The following SHLD3 variants were observed in gnomAD, a reference collection of about 807,000 sequenced individuals.
SHLD3 encodes the protein shieldin complex subunit 3, also known as REV7-interacting novel NHEJ regulator 1.
SHLD3 carries 15 observed loss-of-function variants against 21.4 expected under a neutral mutation model. That is an observed-to-expected ratio of 0.70 (90% CI 0.47 to 1.08). SHLD3 has a LOEUF of 1.08. Ranked by LOEUF, SHLD3 falls within the 50% of genes least tolerant of loss-of-function variation. The pLI is 0.00. For missense variants in SHLD3, 273 were observed against 286.1 expected, an observed-to-expected ratio of 0.95 and a Z score of 0.33; for synonymous variants, 103 against 97.2, an observed-to-expected ratio of 1.06 and a Z score of -0.35.
intron 1 of SHLD3, chr5:65,625,959 A>G (rs1039203267): frequency 1.3e-5 from 2 of 152,208 alleles, no homozygotes; most frequent in African/African-American, 2.4e-5. Flanking sequence ...TATCCTTCCC[A>G]TTATGATGTA....
chr5:65,629,510 T>A lies in SHLD3; in HGVS notation c.-78T>A. 7 of 1,440,208 alleles carry A rather than the reference T, an allele frequency of 4.9e-6. No homozygotes were observed. Among genetic ancestry groups the A allele is most frequent in the Non-Finnish European group, 6.3e-6 (7 of 1,102,422 alleles). 89.2% of individuals were successfully genotyped at this position (1,440,208 alleles called of 1,614,324 possible). A position where few individuals can be genotyped will look rare whatever the true frequency, so the allele number is the denominator to read the frequency against. On this transcript the variant is annotated 5_prime_UTR_variant, in exon 2 of 2. Transcript: ENST00000510585. ...TTTGGCAAGAGAGACAATCTTGCAA[T>A]AATAAATTAACATTCTAGCTCTGAG...
Position 65,629,888 on chromosome 5 carries a change from C to T in SHLD3, c.301C>T (p.His101Tyr). Residue 101 changes from histidine (H) to tyrosine (Y), a missense_variant, in exon 2 of 2, where the codon CAT becomes TAT. His to Tyr is a moderately conservative substitution (Grantham distance 83). Coordinates refer to ENST00000510585, the MANE Select transcript of SHLD3 (RefSeq NM_001365341.2). ...LEFQPSLKKQHLTWSHTLKEQ... is the reference protein window; with the variant it reads ...LEFQPSLKKQYLTWSHTLKEQ... ...GTTTCAACCTAGCTTGAAAAAGCAG[C>T]ATTTAACCTGGTCACACACACTGAA... The T allele has an allele frequency of 6.5e-7, 1 of 1,536,080 alleles. No individual in the cohort carries two copies.
Position 65,629,685 on chromosome 5 carries a change from G to C in SHLD3, c.98G>C (p.Arg33Pro). Residue 33 changes from arginine (R) to proline (P), a missense_variant, in exon 2 of 2, where the codon CGT becomes CCT. Physicochemically the swap from Arg to Pro is moderately radical, Grantham distance 103. Coordinates refer to ENST00000510585, the MANE Select transcript of SHLD3 (RefSeq NM_001365341.2). ...AEKAIQDFPTRPLSRFIPWFP... is the reference protein window; with the variant it reads ...AEKAIQDFPTPPLSRFIPWFP... ...AAAGCAATTCAAGACTTTCCTACTC[G>C]TCCGCTATCAAGATTTATACCTTGG... 1.3e-6 allele frequency: 2 copies of C among 1,535,918 alleles called. No homozygotes were observed. The highest frequency in any genetic ancestry group is 1.7e-6 in the Non-Finnish European group (2 of 1,146,878).
rs60169195 is a variant in SHLD3 at position 65,627,131 on chromosome 5, C to CAAAAAAAAAAAAAAA, written c.-121+2037_-121+2051dup. On this transcript the variant is annotated intron_variant, in intron 1 of 1. Transcript: ENST00000510585. ...TGGGTGACAGAGTGAGACCCTGTCTCAAAAAAAAAAAAAAAAAAAAAAAAA... is the reference window on the plus strand; with the variant it reads ...TGGGTGACAGAGTGAGACCCTGTCTCAAAAAAAAAAAAAAAAAAAAAAAAAAAAAAAAAAAAAAAA... Among the ~76,000 whole-genome samples the CAAAAAAAAAAAAAAA allele has an allele frequency of 3.4e-3, 111 of 32,560 alleles. 9 individuals carry two copies. Among genetic ancestry groups the CAAAAAAAAAAAAAAA allele is most frequent in the Non-Finnish European group, 4.6e-3 (72 of 15,520 alleles). The allele number at this position is 32,560 out of a possible 152,430, so 21.4% of individuals were successfully genotyped here. A position where few individuals can be genotyped will look rare whatever the true frequency, so the allele number is the denominator to read the frequency against.
chr5:65,627,316 AATTT>A (rs1755290135), intron 1 of SHLD3, among the ~76,000 whole-genome samples: 1 of 151,862 alleles, frequency 6.6e-6, no homozygotes, highest in South Asian at 2.1e-4. Flanking sequence ...CAAATGTATT[AATTT>A]AAGTGGTCAT....
At chr5:65,626,708 C>G (rs767811384) in intron 1 of SHLD3, among the ~76,000 whole-genome samples, 6 of 152,040 alleles carry the variant, frequency 3.9e-5, no homozygotes, top group African/African-American at 9.7e-5. Flanking sequence ...TGCACGCCAT[C>G]CTAGGCAACA....
At position 65,630,763 on chromosome 5, in the gene SHLD3, T is replaced by G; in HGVS notation, c.*423T>G. 1 of 746,118 alleles carries G rather than the reference T, an allele frequency of 1.3e-6. No homozygotes were observed. The highest frequency in any genetic ancestry group is 1.6e-6 in the Non-Finnish European group (1 of 610,344). The allele number at this position is 746,118 out of a possible 1,614,324, so 46.2% of individuals were successfully genotyped here. ...TTCAAAGTGGGAGACTAGTCTAGAT[T>G]TATAATGATGTTTCCAAAGATATGT... is the stretch of plus-strand genomic sequence containing the variant. On this transcript the variant is annotated 3_prime_UTR_variant, in exon 2 of 2. Transcript: ENST00000510585.
Position 65,630,415 on chromosome 5 carries a change from C to G in SHLD3, c.*75C>G. On this transcript the variant is annotated 3_prime_UTR_variant, in exon 2 of 2. Transcript: ENST00000510585. ...ATTGAAATAGATAAAATAATTTTTA[C>G]AGGTTTTAAAATTTTTAATGACTTT... 1.4e-6 allele frequency: 2 copies of G among 1,402,670 alleles called. No homozygotes were observed. Among genetic ancestry groups the G allele is most frequent in the Non-Finnish European group, 1.8e-6 (2 of 1,084,002 alleles). 86.9% of individuals were successfully genotyped at this position (1,402,670 alleles called of 1,614,324 possible). A position where few individuals can be genotyped will look rare whatever the true frequency, so the allele number is the denominator to read the frequency against.
chr5:65,629,751 G>A lies in SHLD3; in HGVS notation c.164G>A (p.Arg55Lys), dbSNP rs1259735700. The A allele has an allele frequency of 6.5e-7, 1 of 1,535,942 alleles. No individual in the cohort carries two copies. The highest frequency in any genetic ancestry group is 8.7e-7 in the Non-Finnish European group (1 of 1,146,900). Residue 55 changes from arginine to lysine, a missense_variant, in exon 2 of 2, where the codon AGA becomes AAA. Arg to Lys is a conservative substitution (Grantham distance 26, BLOSUM62 2). Transcript: ENST00000510585. ...DGSKLPLRPK[R>K]SPPVISEEAA... is the part of the protein sequence containing the mutation. ...TCCAAGCTTCCACTCAGACCTAAAA[G>A]ATCACCACCTGTGATTTCTGAAGAG... is the stretch of plus-strand genomic sequence containing the variant.
At position 65,629,853 on chromosome 5, in the gene SHLD3, A is replaced by G. The variant is rs1755452618; in HGVS notation, c.266A>G (p.Asp89Gly). ...AKSHSYDCTV[D>G]LLEFQPSLKK... is the part of the protein sequence containing the mutation. Reference sequence around the variant, plus strand: ...TCACACAGTTATGATTGCACAGTAGATCTATTGGAGTTTCAACCTAGCTTG... The same window carrying G: ...TCACACAGTTATGATTGCACAGTAGGTCTATTGGAGTTTCAACCTAGCTTG... Residue 89 changes from aspartate to glycine, a missense_variant, in exon 2 of 2, where the codon GAT becomes GGT. Physicochemically the swap from Asp to Gly is moderately conservative, Grantham distance 94. Transcript: ENST00000510585. The G allele has an allele frequency of 6.5e-7, 1 of 1,535,960 alleles. No individual in the cohort carries two copies. The highest frequency in any genetic ancestry group is 1.4e-5 in the African/African-American group (1 of 73,038).
At chr5:65,625,240 C>A in intron 1 of SHLD3, 134 bp downstream of exon 1, 1 of 751,022 alleles carries the variant, frequency 1.3e-6, no homozygotes, top group Non-Finnish European at 2.3e-6. Context: ...TGCCGCCAAG[C>A]GGGAGGAAGC....
Position 65,629,720 on chromosome 5 carries a change from G to C in SHLD3, c.133G>C (p.Asp45His), listed in dbSNP as rs997448803. The change falls in exon 2 of 2, where the codon GAT (aspartate) becomes CAT (histidine). Residue 45 changes from aspartate to histidine, a missense_variant. Physicochemically the swap from Asp to His is moderately conservative, Grantham distance 81. Transcript: ENST00000510585. ...AAGATTTATACCTTGGTTTCCATAT[G>C]ATGGGTCCAAGCTTCCACTCAGACC... Reference protein sequence around the residue: ...LSRFIPWFPYDGSKLPLRPKR... With the variant: ...LSRFIPWFPYHGSKLPLRPKR... 2 of 1,535,956 alleles carry C rather than the reference G, an allele frequency of 1.3e-6. No individual in the cohort carries two copies. The highest frequency in any genetic ancestry group is 1.7e-6 in the Non-Finnish European group (2 of 1,146,910).
intron 1 of SHLD3, chr5:65,625,436 G>A (rs896512367): frequency 9.2e-6 from 3 of 327,670 alleles, no homozygotes; most frequent in African/African-American, 6.4e-5. Context: ...TTTTCCTTCT[G>A]TCTCTTGTTT....
At chr5:65,627,428 G>A (rs906241240) in intron 1 of SHLD3, among the ~76,000 whole-genome samples, 2 of 151,852 alleles carry the variant, frequency 1.3e-5, no homozygotes, top group Non-Finnish European at 2.9e-5. Context: ...TCAGGAGTTC[G>A]AGACCAGCCT....
In SHLD3 at chr5:65,630,012, C is replaced by A; in HGVS notation, c.425C>A (p.Thr142Asn). The change falls in exon 2 of 2, where the codon ACT (threonine) becomes AAT (asparagine). Residue 142 changes from threonine to asparagine, a missense_variant. By Grantham distance (65) the Thr-to-Asn change is moderately conservative (BLOSUM62 0). Transcript: ENST00000510585. ...WSISLPSNNC[T>N]KNVSPLSKKL... Reference sequence around the variant, plus strand: ...ATTTCCCTTCCCAGCAATAATTGTACTAAAAACGTTTCTCCTTTGTCTAAA... The same window carrying A: ...ATTTCCCTTCCCAGCAATAATTGTAATAAAAACGTTTCTCCTTTGTCTAAA... 10 of 1,535,880 alleles carry A rather than the reference C, an allele frequency of 6.5e-6. No homozygotes were observed. Among genetic ancestry groups the A allele is most frequent in the Non-Finnish European group, 7.0e-6 (8 of 1,146,828 alleles).
Position 65,630,433 on chromosome 5 carries a change from A to G in SHLD3, c.*93A>G, listed in dbSNP as rs960479734. ...ATTTTTACAGGTTTTAAAATTTTTAATGACTTTTTAGAATTCCTAGGCTTG... is the reference window on the plus strand; with the variant it reads ...ATTTTTACAGGTTTTAAAATTTTTAGTGACTTTTTAGAATTCCTAGGCTTG... On this transcript the variant is annotated 3_prime_UTR_variant, in exon 2 of 2. Coordinates refer to ENST00000510585, the MANE Select transcript of SHLD3 (RefSeq NM_001365341.2). 7.8e-6 allele frequency: 11 copies of G among 1,407,622 alleles called. No individual in the cohort carries two copies. The highest frequency in any genetic ancestry group is 2.6e-4 in the Middle Eastern group (1 of 3,816). 87.2% of individuals were successfully genotyped at this position (1,407,622 alleles called of 1,614,324 possible). A position where few individuals can be genotyped will look rare whatever the true frequency, so the allele number is the denominator to read the frequency against.
chr5:65,630,550 A>T lies in SHLD3; in HGVS notation c.*210A>T. 8.1e-7 allele frequency: 1 copy of T among 1,235,272 alleles called. No homozygotes were observed. Among genetic ancestry groups the T allele is most frequent in the Non-Finnish European group, 1.0e-6 (1 of 988,588 alleles). The allele number at this position is 1,235,272 out of a possible 1,614,324, so 76.5% of individuals were successfully genotyped here. On this transcript the variant is annotated 3_prime_UTR_variant, in exon 2 of 2. Coordinates refer to ENST00000510585, the MANE Select transcript of SHLD3 (RefSeq NM_001365341.2). Reference sequence around the variant, plus strand: ...TGTTTACACTGAATTTGAAGGTAAAAATGTTCTGTTCCTTTTGTTACAAAC... The same window carrying T: ...TGTTTACACTGAATTTGAAGGTAAATATGTTCTGTTCCTTTTGTTACAAAC...
intron 1 of SHLD3, among the ~76,000 whole-genome samples, chr5:65,628,412 G>A (rs1345484898): frequency 1.3e-5 from 2 of 151,628 alleles, no homozygotes; most frequent in African/African-American, 4.8e-5. Context: ...AGAATGACGT[G>A]AAATCATCAA....
At position 65,630,391 on chromosome 5, in the gene SHLD3, TTGAAATAGATAAAA is replaced by T. The variant is rs1332391919; in HGVS notation, c.*53_*66del. 5 of 1,416,762 alleles carry T rather than the reference TTGAAATAGATAAAA, an allele frequency of 3.5e-6. No individual in the cohort carries two copies. The highest frequency in any genetic ancestry group is 4.6e-6 in the Non-Finnish European group (5 of 1,090,736). 87.8% of individuals were successfully genotyped at this position (1,416,762 alleles called of 1,614,324 possible). A position where few individuals can be genotyped will look rare whatever the true frequency, so the allele number is the denominator to read the frequency against. On this transcript the variant is annotated 3_prime_UTR_variant, in exon 2 of 2. Transcript: ENST00000510585. The stretch of plus-strand genomic sequence containing the variant: ...ATATTCTGAATGAAATGAATATGGA[TTGAAATAGATAAAA>T]TAATTTTTACAGGTTTTAAAATTTT...
Sources: allele counts gnomAD v4.1 joint callset (sites outside exome capture counted in the v4.1 genomes callset), GRCh38; gene constraint gnomAD v4.1.1; transcripts MANE v1.5; gene names NCBI Gene and HGNC (gene_info 2026-07-23, HGNC 2026-07-21).